ATP6V1C1: variants seen among roughly 807,000 people sequenced by gnomAD.
ATP6V1C1 encodes the protein V-type proton ATPase subunit C 1.
A neutral mutation model predicts 53.9 loss-of-function variants in ATP6V1C1; 45 were observed. That is an observed-to-expected ratio of 0.83 (90% CI 0.66 to 1.07). The LOEUF is 1.07. Ranked by LOEUF, ATP6V1C1 falls within the 50% of genes least tolerant of loss-of-function variation. ATP6V1C1 has a pLI of 0.00. For missense variants in ATP6V1C1, 315 were observed against 440.3 expected (o/e 0.72, Z 2.55); for synonymous variants, 153 against 155.2 (o/e 0.99, Z 0.11).
rs752409521 is a variant in ATP6V1C1 at position 103,052,744 on chromosome 8, T to C, written c.395T>C (p.Ile132Thr). 4 of 1,590,612 alleles carry C rather than the reference T, an allele frequency of 2.5e-6. No homozygotes were observed. Among genetic ancestry groups the C allele is most frequent in the Non-Finnish European group, 2.6e-6 (3 of 1,170,968 alleles). The part of the protein sequence containing the change: ...SEIIAKGVTQ[I>T]DNDLKSRASA... ...TCTTTTTCAAAGGGAGTAACTCAGA[T>C]TGATAATGACCTGAAATCTCGAGCA... Residue 132 changes from isoleucine to threonine, a missense_variant, in exon 6 of 13, where the codon ATT (isoleucine) becomes ACT (threonine). Physicochemically the swap from Ile to Thr is moderately conservative, Grantham distance 89 (BLOSUM62 -1). Coordinates refer to ENST00000518738, the MANE Select transcript of ATP6V1C1 (RefSeq NM_001695.5).
intron 1 of ATP6V1C1, among the ~76,000 whole-genome samples, chr8:103,038,933 G>A (rs1816945565): frequency 6.6e-6 from 1 of 152,182 alleles, no homozygotes; most frequent in South Asian, 2.1e-4. Flanking sequence ...TCACTAAAAA[G>A]CTTGTGTTTA....
At chr8:103,067,598 CTTTTTTTTTTTT>C (rs764474136) in intron 12 of ATP6V1C1, among the ~76,000 whole-genome samples, 1 of 114,980 alleles carries the variant, frequency 8.7e-6, no homozygotes, top group African/African-American at 3.3e-5. Context: ...TTTTCTTTTT[CTTTTTTTTTTTT>C]TTTTTTTCGA....
At position 103,072,632 on chromosome 8, in the gene ATP6V1C1, G is replaced by C. The variant is rs1817604647; in HGVS notation, c.*3885G>C. 6.6e-6 allele frequency: 1 copy of C among 152,174 alleles called. No individual in the cohort carries two copies. The highest frequency in any genetic ancestry group is 1.5e-5 in the Non-Finnish European group (1 of 68,008). The allele number at this position is 152,174 out of a possible 1,614,324, so 9.4% of individuals were successfully genotyped here. ...TATTTTTCTAGCATAGATAACAATT[G>C]ATTCTTTAGATTCATATATGGAGGT... On this transcript the variant is annotated 3_prime_UTR_variant, in exon 13 of 13. Coordinates refer to ENST00000518738, the MANE Select transcript of ATP6V1C1 (RefSeq NM_001695.5).
At position 103,069,547 on chromosome 8, in the gene ATP6V1C1, A is replaced by G. The variant is rs190953200; in HGVS notation, c.*800A>G. ...ATTAAGAATAGAGCCAGTTTTGAAT[A>G]AAGTCTAGCAGAACTATGCAGCTTT... On this transcript the variant is annotated 3_prime_UTR_variant, in exon 13 of 13. Coordinates refer to ENST00000518738, the MANE Select transcript of ATP6V1C1 (RefSeq NM_001695.5). 6.6e-6 allele frequency: 1 copy of G among 152,362 alleles called. No individual in the cohort carries two copies. Among genetic ancestry groups the G allele is most frequent in the Non-Finnish European group, 1.5e-5 (1 of 68,036 alleles). 9.4% of individuals were successfully genotyped at this position (152,362 alleles called of 1,614,324 possible).
chr8:103,035,854 T>C (rs905588973), intron 1 of ATP6V1C1, among the ~76,000 whole-genome samples: 1 of 152,194 alleles, frequency 6.6e-6, no homozygotes, highest in Non-Finnish European at 1.5e-5. Context: ...TCTCAAAGTA[T>C]ACTTTGAATC....
chr8:103,058,811 G>C (rs945456797), intron 8 of ATP6V1C1, among the ~76,000 whole-genome samples: 1 of 152,144 alleles, frequency 6.6e-6, no homozygotes, highest in African/African-American at 2.4e-5. Context: ...AAGATTGGAC[G>C]GTTTTGAAAT....
At chr8:103,035,828 A>G (rs1181539439) in intron 1 of ATP6V1C1, among the ~76,000 whole-genome samples, 3 of 152,106 alleles carry the variant, frequency 2.0e-5, no homozygotes, top group Non-Finnish European at 4.4e-5. Context: ...TCGAATCTCT[A>G]GTATCTGATC....
At chr8:103,022,579 G>A (rs1485075191) in intron 1 of ATP6V1C1, among the ~76,000 whole-genome samples, 1 of 152,132 alleles carries the variant, frequency 6.6e-6, no homozygotes, top group Admixed American at 6.5e-5. Flanking sequence ...ATGAAAGAGT[G>A]TAGTAGGGGC....
intron 6 of ATP6V1C1, among the ~76,000 whole-genome samples, chr8:103,053,182 C>T (rs1817229614): frequency 6.6e-6 from 1 of 151,774 alleles, no homozygotes; most frequent in Admixed American, 6.6e-5. Flanking sequence ...TAGAATAATC[C>T]TTTTATGATG....
chr8:103,069,859 C>T lies in ATP6V1C1; in HGVS notation c.*1112C>T, dbSNP rs888048309. On this transcript the variant is annotated 3_prime_UTR_variant, in exon 13 of 13. Coordinates refer to ENST00000518738, the MANE Select transcript of ATP6V1C1 (RefSeq NM_001695.5). ...CTATTCCCTTTAGAAAATTAGCCTC[C>T]AAAATCTTTTGTTTCAAAATATTAT... 1 of 152,146 alleles carries T rather than the reference C, an allele frequency of 6.6e-6. No homozygotes were observed. Among genetic ancestry groups the T allele is most frequent in the Non-Finnish European group, 1.5e-5 (1 of 68,032 alleles). The allele number at this position is 152,146 out of a possible 1,614,324, so 9.4% of individuals were successfully genotyped here.
intron 1 of ATP6V1C1, among the ~76,000 whole-genome samples, chr8:103,027,154 T>C (rs1371392395): frequency 6.6e-6 from 1 of 152,242 alleles, no homozygotes; most frequent in Non-Finnish European, 1.5e-5. Flanking sequence ...TGGAAGGCTA[T>C]GTGATATTTC....
chr8:103,067,872 A>G (rs1240067420), intron 12 of ATP6V1C1, among the ~76,000 whole-genome samples: 1 of 152,164 alleles, frequency 6.6e-6, no homozygotes, highest in Admixed American at 6.5e-5. Flanking sequence ...GGCGTGAGCC[A>G]CCTTGCCCCC....
chr8:103,055,818 G>GA (rs758421572), intron 7 of ATP6V1C1, 50 bp from the exon 8 acceptor site: 1 of 1,535,378 alleles, frequency 6.5e-7, no homozygotes, highest in Non-Finnish European at 8.9e-7. Context: ...GATATGGCAG[G>GA]AAATAGGACT....
rs1817568370 is a variant in ATP6V1C1 at position 103,070,508 on chromosome 8, G to A, written c.*1761G>A. ...TGCTATCAGAAAATTTTGGTTCTTT[G>A]TCTTTTGCACATGTTCTTTGAGTCT... On this transcript the variant is annotated 3_prime_UTR_variant, in exon 13 of 13. Coordinates refer to ENST00000518738, the MANE Select transcript of ATP6V1C1 (RefSeq NM_001695.5). The A allele has an allele frequency of 6.6e-6, 1 of 152,168 alleles. No homozygotes were observed. 9.4% of individuals were successfully genotyped at this position (152,168 alleles called of 1,614,324 possible). A position where few individuals can be genotyped will look rare whatever the true frequency, so the allele number is the denominator to read the frequency against.
intron 5 of ATP6V1C1, among the ~76,000 whole-genome samples, chr8:103,051,744 G>A (rs932510652): frequency 8.6e-5 from 13 of 151,470 alleles, no homozygotes; most frequent in African/African-American, 3.2e-4. Context: ...AACTTGAGAG[G>A]AAAAAAAAGT....
chr8:103,023,830 C>A (rs1388421331), intron 1 of ATP6V1C1, among the ~76,000 whole-genome samples: 1 of 152,018 alleles, frequency 6.6e-6, no homozygotes, highest in Non-Finnish European at 1.5e-5. Flanking sequence ...CTACACAGTA[C>A]TAACCACAGT....
chr8:103,030,982 C>T (rs1816787673), intron 1 of ATP6V1C1, among the ~76,000 whole-genome samples: 1 of 152,100 alleles, frequency 6.6e-6, no homozygotes, highest in African/African-American at 2.4e-5. Flanking sequence ...TAGATCTATC[C>T]TAACAATGTT....
chr8:103,071,065 A>G lies in ATP6V1C1; in HGVS notation c.*2318A>G, dbSNP rs1309375138. On this transcript the variant is annotated 3_prime_UTR_variant, in exon 13 of 13. Transcript: ENST00000518738. ...GGAAAATCCAGATCCACATCATTGT[A>G]GAGTCTGAGGGTTAGAAGGAAGTCA... 4 of 152,262 alleles carry G rather than the reference A, an allele frequency of 2.6e-5. No individual in the cohort carries two copies. The highest frequency in any genetic ancestry group is 9.6e-5 in the African/African-American group (4 of 41,466). 9.4% of individuals were successfully genotyped at this position (152,262 alleles called of 1,614,324 possible).
intron 11 of ATP6V1C1, 50 bp from the exon 12 acceptor site, chr8:103,066,271 T>C (rs1817488055): frequency 1.3e-6 from 2 of 1,554,604 alleles, no homozygotes; most frequent in African/African-American, 2.8e-5. Flanking sequence ...AAAGAAAATC[T>C]CTTTACATGT....
Sources: allele counts gnomAD v4.1 joint callset (sites outside exome capture counted in the v4.1 genomes callset), GRCh38; gene constraint gnomAD v4.1.1; transcripts MANE v1.5; gene names NCBI Gene and HGNC (gene_info 2026-07-23, HGNC 2026-07-21).